Variants in CFAP57 observed in about 807,000 individuals in gnomAD.
The protein encoded by CFAP57 is cilia and flagella associated protein 57.
CFAP57 carries 116 observed loss-of-function variants against 146.8 expected under a neutral mutation model. The ratio of observed to expected loss-of-function variants is 0.79; its 90% confidence interval spans 0.68 to 0.92. CFAP57 has a LOEUF of 0.92. Ranked by LOEUF, CFAP57 falls within the 40% of genes least tolerant of loss-of-function variation. CFAP57 has a pLI of 0.00. For synonymous variants in CFAP57, 518 were observed against 552.8 expected (o/e 0.94, Z 0.88); for missense variants, 1,377 against 1,527.2 (o/e 0.90, Z 1.64).
chr1:43,181,933 C>G (rs1645427687), intron 3 of CFAP57, 83 bp downstream of exon 3: 1 of 1,457,508 alleles, frequency 6.9e-7, no homozygotes. Flanking sequence ...TACCACAGTT[C>G]TAATTTCCTC....
chr1:43,231,831 C>T (rs1313979159), intron 18 of CFAP57, among the ~76,000 whole-genome samples: 3 of 152,156 alleles, frequency 2.0e-5, no homozygotes, highest in African/African-American at 4.8e-5. Flanking sequence ...AGAGATCGCA[C>T]CACTGCACTC....
intron 2 of CFAP57, among the ~76,000 whole-genome samples, chr1:43,176,630 A>G (rs1645181612): frequency 6.6e-6 from 1 of 152,202 alleles, no homozygotes; most frequent in Non-Finnish European, 1.5e-5. Context: ...ATATGCACAT[A>G]AAATGCTGTC....
At position 43,234,677 on chromosome 1, in the gene CFAP57, C is replaced by A. The variant is rs561005783; in HGVS notation, c.3405+39C>A. On this transcript the variant is annotated intron_variant, in intron 21 of 22. Transcript: ENST00000372492. ...CCCCTCAGCCCCTGTGGAGGCCAAG[C>A]CATCCAAGATGAGAGATCCCATCAA... is the stretch of plus-strand genomic sequence containing the variant. 2.6e-4 allele frequency: 397 copies of A among 1,525,888 alleles called. 1 individual carries two copies. In the Middle Eastern group the frequency reaches 4.1e-3, roughly 16 times the overall value. The allele number at this position is 1,525,888 out of a possible 1,614,324, so 94.5% of individuals were successfully genotyped here. A position where few individuals can be genotyped will look rare whatever the true frequency, so the allele number is the denominator to read the frequency against.
At position 43,254,078 on chromosome 1, in the gene CFAP57, C is replaced by T; in HGVS notation, c.3640C>T (p.Leu1214Phe). 6.4e-7 allele frequency: 1 copy of T among 1,550,646 alleles called. No homozygotes were observed. ...IEMQRLEIQR[L>F]RDQIQEQEQV... ...AATGCAGCGCCTAGAAATCCAGCGCCTCAGAGACCAGATCCAAGAGCAAGA... is the reference window on the plus strand; with the variant it reads ...AATGCAGCGCCTAGAAATCCAGCGCTTCAGAGACCAGATCCAAGAGCAAGA... Residue 1214 changes from leucine (L) to phenylalanine (F), a missense_variant, in exon 23 of 23, where the codon CTC (leucine) becomes TTC (phenylalanine). Physicochemically the swap from Leu to Phe is conservative, Grantham distance 22 (BLOSUM62 0). Coordinates refer to ENST00000372492, the MANE Select transcript of CFAP57 (RefSeq NM_001378189.1).
intron 21 of CFAP57, among the ~76,000 whole-genome samples, chr1:43,241,019 G>A (rs768259895): frequency 5.3e-5 from 8 of 152,130 alleles, no homozygotes; most frequent in South Asian, 2.1e-4. Flanking sequence ...TATTTTTAGC[G>A]TAGACGGGGT....
chr1:43,197,699 A>G lies in CFAP57; in HGVS notation c.1262+7A>G, dbSNP rs527784350. The G allele has an allele frequency of 3.7e-6, 6 of 1,614,060 alleles. No homozygotes were observed. Among genetic ancestry groups the G allele is most frequent in the South Asian group, 1.1e-5 (1 of 91,088 alleles). ...TTTGGAATTATGAAACAAAGTAAGG[A>G]ATGAAAGGCTTGCCTACTTTATTAT... is the stretch of plus-strand genomic sequence containing the variant. On this transcript the variant is annotated splice_region_variant and intron_variant, in intron 7 of 22. Coordinates refer to ENST00000372492, the MANE Select transcript of CFAP57 (RefSeq NM_001378189.1).
Position 43,238,868 on chromosome 1 carries a change from C to T in CFAP57, c.3405+4230C>T, listed in dbSNP as rs1398430232. On this transcript the variant is annotated intron_variant, in intron 21 of 22. Transcript: ENST00000372492. The surrounding 1 kb of genome is among the most constrained non-coding windows in gnomAD (Gnocchi z 4.3). ...AGACACCAGCTCTACCACTGAGATA[C>T]GGCCTCAGTTTCCTCACAAGGTTGG... is the stretch of plus-strand genomic sequence containing the variant. Among the ~76,000 whole-genome samples the T allele has an allele frequency of 3.9e-5, 6 of 152,092 alleles. No individual in the cohort carries two copies. The East Asian group carries it at 5.8e-4, about 15-fold the overall frequency.
chr1:43,197,556 G>A lies in CFAP57; in HGVS notation c.1126G>A (p.Glu376Lys). The A allele has an allele frequency of 6.2e-7, 1 of 1,614,048 alleles. No homozygotes were observed. Among genetic ancestry groups the A allele is most frequent in the Non-Finnish European group, 8.5e-7 (1 of 1,180,020 alleles). Residue 376 changes from glutamate (E) to lysine (K), a missense_variant, in exon 7 of 23, where the codon GAG (glutamate) becomes AAG (lysine). Glu to Lys is a moderately conservative substitution (Grantham distance 56, BLOSUM62 1). Transcript: ENST00000372492. ...TMSLTEISKGEPAHFEYLMYP... is the reference protein window; with the variant it reads ...TMSLTEISKGKPAHFEYLMYP... The stretch of plus-strand genomic sequence containing the variant: ...TTGTTCTGTGTGATTTCTCTAGGGG[G>A]AGCCTGCTCACTTTGAGTATTTGAT...
At chr1:43,245,020 A>G (rs887877870) in intron 22 of CFAP57, among the ~76,000 whole-genome samples, 4 of 152,086 alleles carry the variant, frequency 2.6e-5, no homozygotes, top group African/African-American at 9.7e-5. Context: ...CTCTTAAAAA[A>G]TGTTTCAGGC....
In CFAP57 at chr1:43,176,758, C is replaced by T. The variant is rs561770405; in HGVS notation, c.157+3848C>T. 1.1e-3 allele frequency among the ~76,000 whole-genome samples: 160 copies of T among 152,124 alleles called. 2 individuals carry two copies. The highest frequency in any genetic ancestry group is 3.8e-3 in the African/African-American group (156 of 41,496). ...ACAAACAAAGCATGGAAAGTGAAGC[C>T]GTTGGGGGAGTAAGAAGTTGTAGAT... On this transcript the variant is annotated intron_variant, in intron 2 of 22. Transcript: ENST00000372492.
intron 6 of CFAP57, among the ~76,000 whole-genome samples, chr1:43,192,894 T>G (rs987595759): frequency 5.9e-5 from 9 of 151,622 alleles, no homozygotes; most frequent in African/African-American, 1.9e-4. Flanking sequence ...GCCATTGTAC[T>G]CCAGCCTGGG....
At chr1:43,207,805 G>A (rs969228573) in intron 10 of CFAP57, among the ~76,000 whole-genome samples, 6 of 152,214 alleles carry the variant, frequency 3.9e-5, no homozygotes, top group African/African-American at 4.8e-5. Context: ...GGGAAAGTGC[G>A]TAGATACCAC....
At chr1:43,223,032 C>T (rs555047974) in intron 16 of CFAP57, 35 bp downstream of exon 16, 8 of 1,523,736 alleles carry the variant, frequency 5.3e-6, no homozygotes, top group Non-Finnish European at 6.2e-6. Flanking sequence ...CTAGGGTGGG[C>T]GAGGGTGTTG....
intron 12 of CFAP57, among the ~76,000 whole-genome samples, chr1:43,215,970 C>G (rs1260072228): frequency 6.6e-6 from 1 of 152,134 alleles, no homozygotes; most frequent in Non-Finnish European, 1.5e-5. Flanking sequence ...ATCACTATAC[C>G]AAAGGGACAT....
At chr1:43,216,084 A>C (rs978096881) in intron 12 of CFAP57, among the ~76,000 whole-genome samples, 1 of 152,214 alleles carries the variant, frequency 6.6e-6, no homozygotes, top group Non-Finnish European at 1.5e-5. Flanking sequence ...AGCTGAATGG[A>C]TGATAAACAC....
chr1:43,199,550 G>T (rs772473643), intron 9 of CFAP57, 47 bp downstream of exon 9: 1 of 1,556,798 alleles, frequency 6.4e-7, no homozygotes, highest in Non-Finnish European at 8.9e-7. Context: ...ACGGAGCCAA[G>T]TATGCCGCCA....
intron 10 of CFAP57, among the ~76,000 whole-genome samples, chr1:43,207,415 C>T (rs766463460): frequency 2.0e-5 from 3 of 152,186 alleles, no homozygotes; most frequent in Non-Finnish European, 2.9e-5. Context: ...TTTTCCATTG[C>T]GTCACAGTTG....
chr1:43,172,357 C>T lies in CFAP57; in HGVS notation c.-116C>T. Reference sequence around the variant, plus strand: ...TTCCGGTTTGTCGTTGCTATAGGAACCGCTACGGCGTTTGAAAGTGTCCGG... The same window carrying T: ...TTCCGGTTTGTCGTTGCTATAGGAATCGCTACGGCGTTTGAAAGTGTCCGG... On this transcript the variant is annotated 5_prime_UTR_variant, in exon 1 of 23. Transcript: ENST00000372492. 6.4e-7 allele frequency: 1 copy of T among 1,551,628 alleles called. No individual in the cohort carries two copies. The highest frequency in any genetic ancestry group is 2.0e-5 in the Admixed American group (1 of 50,990).
chr1:43,202,011 G>C (rs566129383), intron 9 of CFAP57, among the ~76,000 whole-genome samples: 1 of 152,146 alleles, frequency 6.6e-6, no homozygotes. Context: ...AGTACAGAAA[G>C]TGATTCTGAT....
Sources: allele counts gnomAD v4.1 joint callset (sites outside exome capture counted in the v4.1 genomes callset), GRCh38; gene constraint gnomAD v4.1.1; non-coding constraint Gnocchi (gnomAD v3.1); transcripts MANE v1.5; gene names NCBI Gene and HGNC (gene_info 2026-07-23, HGNC 2026-07-21).